The following TPX2 variants were observed in gnomAD, a reference collection of about 807,000 sequenced individuals.
TPX2 encodes TPX2 microtubule nucleation factor, also known as targeting protein for Xklp2.
In TPX2, 21 loss-of-function variants were observed where a neutral mutation model predicts 93.6. The observed-to-expected ratio is 0.22, with a 90% CI of 0.16 to 0.32. TPX2 has a LOEUF of 0.32. Ranked by LOEUF, TPX2 falls within the 10% of genes least tolerant of loss-of-function variation. The probability of loss-of-function intolerance (pLI) is 1.00; values close to 1 mark genes in which losing one functional copy is unlikely to be tolerated. For missense variants in TPX2, 776 were observed against 871.1 expected, an observed-to-expected ratio of 0.89 and a Z score of 1.37; for synonymous variants, 281 against 298.3, an observed-to-expected ratio of 0.94 and a Z score of 0.60.
At chr20:31,776,011 C>CT (rs1568592297) in intron 8 of TPX2, 23 bp downstream of exon 8, 2 of 1,311,244 alleles carry the variant, frequency 1.5e-6, no homozygotes, top group African/African-American at 1.6e-5. Context: ...GTGGTTGAGT[C>CT]TGATTCATGA....
chr20:31,763,696 T>C (rs1396807548), intron 4 of TPX2, among the ~76,000 whole-genome samples: 1 of 149,650 alleles, frequency 6.7e-6, no homozygotes, highest in African/African-American at 2.5e-5. Flanking sequence ...TTAATTTAAT[T>C]TAAATTTAAT....
chr20:31,751,985 C>T lies in TPX2; in HGVS notation c.-70-5422C>T, dbSNP rs747242037. Among the ~76,000 whole-genome samples the T allele has an allele frequency of 2.4e-4, 36 of 152,212 alleles. 1 individual carries two copies. The highest frequency in any genetic ancestry group is 7.5e-4 in the African/African-American group (31 of 41,522). On this transcript the variant is annotated intron_variant, in intron 2 of 17. Transcript: ENST00000300403. Reference sequence around the variant, plus strand: ...CTCGAACTCCTGACCTCAGGTGATCCGCCTGCCTTGGCCTTCCAAAGTGTT... The same window carrying T: ...CTCGAACTCCTGACCTCAGGTGATCTGCCTGCCTTGGCCTTCCAAAGTGTT...
Position 31,801,360 on chromosome 20 carries a change from G to A in TPX2, c.*280G>A, listed in dbSNP as rs2062171068. The A allele has an allele frequency of 3.0e-6, 1 of 335,334 alleles. No homozygotes were observed. Among genetic ancestry groups the A allele is most frequent in the African/African-American group, 2.1e-5 (1 of 47,790 alleles). 20.8% of individuals were successfully genotyped at this position (335,334 alleles called of 1,614,324 possible). On this transcript the variant is annotated 3_prime_UTR_variant, in exon 18 of 18. Coordinates refer to ENST00000300403, the MANE Select transcript of TPX2 (RefSeq NM_012112.5). ...AACCATCAGCCGGCCTTTTATATGGGTCTTCACTCTGACTAGAATTTAGTC... is the reference window on the plus strand; with the variant it reads ...AACCATCAGCCGGCCTTTTATATGGATCTTCACTCTGACTAGAATTTAGTC...
rs1171595953 is a variant in TPX2, at chr20:31,757,392, C to T, written c.-70-15C>T. ...GAATTTACTTAGATTTATGTGCAAC[C>T]ATTTCTTTCCTCAGAAGGTGACCTG... On this transcript the variant is annotated splice_polypyrimidine_tract_variant and intron_variant, in intron 2 of 17. Coordinates refer to ENST00000300403, the MANE Select transcript of TPX2 (RefSeq NM_012112.5). The T allele has an allele frequency of 1.9e-6, 2 of 1,075,330 alleles. No homozygotes were observed. The highest frequency in any genetic ancestry group is 2.8e-6 in the Non-Finnish European group (2 of 722,828). The allele number at this position is 1,075,330 out of a possible 1,614,324, so 66.6% of individuals were successfully genotyped here. A position where few individuals can be genotyped will look rare whatever the true frequency, so the allele number is the denominator to read the frequency against.
At chr20:31,768,495 G>A (rs6089064) in intron 5 of TPX2, among the ~76,000 whole-genome samples, 1 of 147,028 alleles carries the variant, frequency 6.8e-6, no homozygotes, top group Non-Finnish European at 1.5e-5. Flanking sequence ...TCCGCCCACC[G>A]TGGCCTCCTA....
intron 4 of TPX2, among the ~76,000 whole-genome samples, chr20:31,763,211 C>A (rs1332762712): frequency 1.3e-5 from 2 of 152,084 alleles, no homozygotes; most frequent in Non-Finnish European, 2.9e-5. Flanking sequence ...CAGAGTCTCA[C>A]TCTTGTTGCC....
At chr20:31,800,189 G>C (rs1075698) in intron 17 of TPX2, among the ~76,000 whole-genome samples, 42,932 of 152,062 alleles carry the variant, frequency 0.28, 7,425 homozygotes, top group African/African-American at 0.48. Flanking sequence ...ACACTATTTA[G>C]GAGACCAGCC....
intron 12 of TPX2, among the ~76,000 whole-genome samples, chr20:31,791,054 A>G (rs1330115967): frequency 6.6e-6 from 1 of 152,104 alleles, no homozygotes; most frequent in Non-Finnish European, 1.5e-5. Context: ...AAGCAAAGGT[A>G]ATGAGATAGG....
At chr20:31,783,166 G>C (rs966081864) in intron 11 of TPX2, among the ~76,000 whole-genome samples, 1 of 152,076 alleles carries the variant, frequency 6.6e-6, no homozygotes, top group Non-Finnish European at 1.5e-5. Flanking sequence ...AGCTTCTTCT[G>C]TGAAGTGAAG....
At chr20:31,769,382 G>A (rs554712398) in intron 5 of TPX2, among the ~76,000 whole-genome samples, 2 of 148,726 alleles carry the variant, frequency 1.3e-5, no homozygotes, top group African/African-American at 2.5e-5. Context: ...GCAGTGGTGC[G>A]ATCTCGGTTC....
At position 31,757,540 on chromosome 20, in the gene TPX2, T is replaced by C; in HGVS notation, c.64T>C (p.Leu22=). The change falls in exon 3 of 18, where the codon TTG becomes CTG. Residue 22 remains leucine (L), a synonymous_variant. Transcript: ENST00000300403. ...CTCGGATTTCATCAATTTTTCATCC[T>C]TGGATGATGAAGGAGATACTCAAAA... is the stretch of plus-strand genomic sequence containing the variant. ...APSDFINFSS[L]DDEGDTQNID... 6.2e-6 allele frequency: 10 copies of C among 1,614,090 alleles called. No homozygotes were observed. Among genetic ancestry groups the C allele is most frequent in the Non-Finnish European group, 8.5e-6 (10 of 1,179,996 alleles).
intron 2 of TPX2, among the ~76,000 whole-genome samples, chr20:31,749,473 GTGTC>G (rs1568920570): frequency 6.6e-6 from 1 of 152,142 alleles, no homozygotes; most frequent in Non-Finnish European, 1.5e-5. Context: ...ACTGTCAACA[GTGTC>G]TGGCATGTCA....
intron 12 of TPX2, among the ~76,000 whole-genome samples, chr20:31,790,805 C>T (rs2062095674): frequency 1.3e-5 from 2 of 152,092 alleles, no homozygotes; most frequent in South Asian, 2.1e-4. Context: ...TCTCCATCCT[C>T]GAAGCACTCA....
At chr20:31,754,674 A>G (rs1262912419) in intron 2 of TPX2, among the ~76,000 whole-genome samples, 4 of 152,190 alleles carry the variant, frequency 2.6e-5, no homozygotes, top group Non-Finnish European at 5.9e-5. Flanking sequence ...ATTTATCTTA[A>G]GGGAAGAATT....
chr20:31,750,009 C>T (rs1477296423), intron 2 of TPX2, among the ~76,000 whole-genome samples: 1 of 151,990 alleles, frequency 6.6e-6, no homozygotes, highest in Non-Finnish European at 1.5e-5. Context: ...ACGATCTTGG[C>T]TCACTGGAAC....
chr20:31,784,070 C>A, intron 12 of TPX2, 149 bp downstream of exon 12: 1 of 838,890 alleles, frequency 1.2e-6, no homozygotes, highest in Non-Finnish European at 1.8e-6. Flanking sequence ...GTGGATTTTG[C>A]TTTTAGTTAA....
chr20:31,794,555 G>A lies in TPX2; in HGVS notation c.1833+7G>A, dbSNP rs750882848. 1.9e-6 allele frequency: 3 copies of A among 1,612,956 alleles called. No individual in the cohort carries two copies. Among genetic ancestry groups the A allele is most frequent in the Non-Finnish European group, 8.5e-7 (1 of 1,179,634 alleles). Reference sequence around the variant, plus strand: ...ACAGACTTGGAAGCACCAGGTAGGGGATGGGGAGAGCAGCCAAAATGTTAA... The same window carrying A: ...ACAGACTTGGAAGCACCAGGTAGGGAATGGGGAGAGCAGCCAAAATGTTAA... On this transcript the variant is annotated splice_region_variant and intron_variant, in intron 15 of 17. Transcript: ENST00000300403.
At chr20:31,763,692 TAATTTA>T (rs1009572256) in intron 4 of TPX2, among the ~76,000 whole-genome samples, 1 of 150,574 alleles carries the variant, frequency 6.6e-6, no homozygotes, top group African/African-American at 2.5e-5. Flanking sequence ...CACTTTAATT[TAATTTA>T]AATTTAATTT....
At chr20:31,757,286 G>T in intron 2 of TPX2, 121 bp from the exon 3 acceptor site, 1 of 571,570 alleles carries the variant, frequency 1.7e-6, no homozygotes, top group South Asian at 2.2e-5. Flanking sequence ...TAGGTTGATT[G>T]GACAAAGTAA....
Sources: allele counts gnomAD v4.1 joint callset (sites outside exome capture counted in the v4.1 genomes callset), GRCh38; gene constraint gnomAD v4.1.1; transcripts MANE v1.5; gene names NCBI Gene and HGNC (gene_info 2026-07-23, HGNC 2026-07-21).